Variants in C8orf34 observed in about 807,000 individuals in gnomAD.
C8orf34 encodes the protein chromosome 8 open reading frame 34, also known as uncharacterized protein C8orf34.
In C8orf34, 65 loss-of-function variants were observed where a neutral mutation model predicts 68.3. That is an observed-to-expected ratio of 0.95 (90% CI 0.78 to 1.17). C8orf34 has a LOEUF of 1.17. Ranked by LOEUF, C8orf34 falls within the 50% of genes most tolerant of loss-of-function variation. The pLI is 0.00. For missense variants in C8orf34, 664 were observed against 655.4 expected (o/e 1.01, Z -0.14); for synonymous variants, 244 against 241.2 (o/e 1.01, Z -0.11).
chr8:68,711,910 G>GA (rs533390074), intron 9 of C8orf34, among the ~76,000 whole-genome samples: 171 of 152,138 alleles, frequency 1.1e-3, no homozygotes, highest in African/African-American at 3.2e-3. Flanking sequence ...CAAGATGAAG[G>GA]AAAAAATCTT....
At chr8:68,370,443 C>A (rs771144319) in intron 1 of C8orf34, among the ~76,000 whole-genome samples, 1 of 152,124 alleles carries the variant, frequency 6.6e-6, no homozygotes, top group Non-Finnish European at 1.5e-5. Flanking sequence ...TTTCTTACTG[C>A]CCTCCCTGGT....
chr8:68,513,363 C>T (rs140697148), intron 5 of C8orf34, among the ~76,000 whole-genome samples: 2 of 152,196 alleles, frequency 1.3e-5, no homozygotes, highest in East Asian at 1.9e-4. Context: ...CTTGAAAAGA[C>T]AGGGCTAGGG....
intron 1 of C8orf34, among the ~76,000 whole-genome samples, chr8:68,358,432 G>A (rs1025609693): frequency 1.3e-5 from 2 of 151,308 alleles, no homozygotes; most frequent in Non-Finnish European, 2.9e-5. Flanking sequence ...ATATATACTA[G>A]ATAGACCCGC....
chr8:68,678,500 A>G (rs1820262171), intron 8 of C8orf34, among the ~76,000 whole-genome samples: 1 of 152,226 alleles, frequency 6.6e-6, no homozygotes, highest in African/African-American at 2.4e-5. Context: ...GATCATTTCA[A>G]TTGATGATAA....
At chr8:68,738,730 A>T (rs940367326) in intron 10 of C8orf34, among the ~76,000 whole-genome samples, 13 of 152,232 alleles carry the variant, frequency 8.5e-5, no homozygotes, top group South Asian at 6.2e-4. Context: ...CCAAGAATAA[A>T]CCAAGAAGAA....
chr8:68,679,550 C>G (rs1055790025), intron 8 of C8orf34, among the ~76,000 whole-genome samples: 4 of 152,062 alleles, frequency 2.6e-5, no homozygotes, highest in African/African-American at 9.7e-5. Context: ...CAATGATATT[C>G]TTCACAGATA....
intron 5 of C8orf34, among the ~76,000 whole-genome samples, chr8:68,512,526 T>G (rs928213538): frequency 7.9e-5 from 12 of 152,150 alleles, no homozygotes; most frequent in Non-Finnish European, 1.3e-4. Flanking sequence ...TGAAATAGAA[T>G]TCCACATTAT....
intron 7 of C8orf34, among the ~76,000 whole-genome samples, chr8:68,559,436 G>A (rs868246119): frequency 6.6e-6 from 1 of 152,130 alleles, no homozygotes; most frequent in Non-Finnish European, 1.5e-5. Flanking sequence ...TGTAAATTGA[G>A]GGTGGAGTTT....
At chr8:68,331,428 C>T (rs1381981787) in intron 1 of C8orf34, 89 bp downstream of exon 1, 21 of 1,380,738 alleles carry the variant, frequency 1.5e-5, no homozygotes, top group Non-Finnish European at 2.0e-5. Context: ...CCACCCCTCC[C>T]AGGGAAGGAG....
intron 8 of C8orf34, among the ~76,000 whole-genome samples, chr8:68,680,014 G>A (rs1346349091): frequency 1.3e-5 from 2 of 152,088 alleles, no homozygotes; most frequent in Non-Finnish European, 2.9e-5. Flanking sequence ...ACTGGACTGG[G>A]CAAAAATATC....
chr8:68,484,445 G>A (rs1216439924), intron 4 of C8orf34, among the ~76,000 whole-genome samples: 2 of 152,134 alleles, frequency 1.3e-5, no homozygotes, highest in Non-Finnish European at 2.9e-5. Flanking sequence ...ATGTGTTCCA[G>A]TGCTCATTAA....
At chr8:68,465,695 G>A (rs1196614023) in intron 3 of C8orf34, among the ~76,000 whole-genome samples, 4 of 151,288 alleles carry the variant, frequency 2.6e-5, no homozygotes, top group African/African-American at 4.9e-5. Context: ...GTAAACTATC[G>A]CAAGGACAAA....
At chr8:68,519,072 T>C (rs946654539) in intron 5 of C8orf34, among the ~76,000 whole-genome samples, 4 of 152,126 alleles carry the variant, frequency 2.6e-5, no homozygotes, top group Admixed American at 2.6e-4. Flanking sequence ...ATCAAGCGTA[T>C]TAAAGTAAGA....
chr8:68,802,086 G>A (rs1824344834), intron 12 of C8orf34, among the ~76,000 whole-genome samples: 1 of 151,954 alleles, frequency 6.6e-6, no homozygotes, highest in Non-Finnish European at 1.5e-5. Context: ...ATAGTCCTCT[G>A]TAAGATAATT....
At chr8:68,445,940 C>A (rs1419801126) in intron 2 of C8orf34, among the ~76,000 whole-genome samples, 1 of 152,050 alleles carries the variant, frequency 6.6e-6, no homozygotes, top group African/African-American at 2.4e-5. Flanking sequence ...CAGACGCCCG[C>A]CATCATGCCC....
chr8:68,766,847 G>T (rs547566881), intron 10 of C8orf34, among the ~76,000 whole-genome samples: 27 of 152,226 alleles, frequency 1.8e-4, no homozygotes, highest in African/African-American at 6.3e-4. Context: ...AAAATGTATG[G>T]GTTAATTACT....
At position 68,679,055 on chromosome 8, in the gene C8orf34, C is replaced by A. The variant is rs141675486; in HGVS notation, c.1242-29939C>A. On this transcript the variant is annotated intron_variant, in intron 8 of 13. Coordinates refer to ENST00000518698, the MANE Select transcript of C8orf34 (RefSeq NM_052958.4). ...GTGGCTCCTGCCTGTAATCTCAGCACTTTGGGAGGCCGAGGTGGGCTGATC... is the reference window on the plus strand; with the variant it reads ...GTGGCTCCTGCCTGTAATCTCAGCAATTTGGGAGGCCGAGGTGGGCTGATC... 1.7e-3 allele frequency among the ~76,000 whole-genome samples: 251 copies of A among 152,058 alleles called. 2 individuals are homozygous for A. The highest frequency in any genetic ancestry group is 6.0e-3 in the African/African-American group (247 of 41,472).
chr8:68,602,516 TCA>T (rs954969809), intron 7 of C8orf34, among the ~76,000 whole-genome samples: 17 of 151,990 alleles, frequency 1.1e-4, no homozygotes, highest in African/African-American at 4.1e-4. Flanking sequence ...TTACTCACCA[TCA>T]CGAGAATAGC....
chr8:68,642,563 A>C (rs1819043668), intron 8 of C8orf34, among the ~76,000 whole-genome samples: 1 of 152,254 alleles, frequency 6.6e-6, no homozygotes, highest in African/African-American at 2.4e-5. Flanking sequence ...CAGCAATAAC[A>C]ATAACCAGGG....
Sources: allele counts gnomAD v4.1 joint callset (sites outside exome capture counted in the v4.1 genomes callset), GRCh38; gene constraint gnomAD v4.1.1; transcripts MANE v1.5; gene names NCBI Gene and HGNC (gene_info 2026-07-23, HGNC 2026-07-21).